Variants in ASPM observed in about 807,000 individuals in gnomAD.
ASPM encodes the protein assembly factor for spindle microtubules, also known as abnormal spindle-like microcephaly-associated protein.
In ASPM, 256 loss-of-function variants were observed where a neutral mutation model predicts 366.4. That is an observed-to-expected ratio of 0.70 (90% CI 0.63 to 0.77). The LOEUF (loss-of-function observed/expected upper bound fraction) is 0.77. Among genes scored for constraint, ASPM ranks in the 30% least tolerant of loss-of-function variants. The pLI is 0.00. For synonymous variants in ASPM, 1,414 were observed against 1,342.9 expected (o/e 1.05, Z -1.16); for missense variants, 4,146 against 4,090.4 (o/e 1.01, Z -0.37).
rs769895394 is a variant in ASPM, at chr1:197,142,424, T to C, written c.1828A>G (p.Lys610Glu). Residue 610 changes from lysine to glutamate, a missense_variant, in exon 3 of 28, where the codon AAA becomes GAA. Coordinates refer to ENST00000367409, the MANE Select transcript of ASPM (RefSeq NM_018136.5). ...KRIHFSPSEPKTSAVKKTKNV... is the reference protein window; with the variant it reads ...KRIHFSPSEPETSAVKKTKNV... ...TTTGTTTTCTTAACAGCTGATGTTT[T>C]AGGCTCTGAGGGAGAAAAATGGATT... 4.5e-5 allele frequency: 72 copies of C among 1,613,864 alleles called. No individual in the cohort carries two copies. The South Asian group carries it at 7.9e-4, about 18-fold the overall frequency.
rs764707526 is a variant in ASPM at position 197,100,806 on chromosome 1, A to C, written c.8445T>G (p.Ser2815Arg). The change falls in exon 18 of 28, where the codon AGT becomes AGG. Residue 2815 changes from serine to arginine, a missense_variant. Ser to Arg is a moderately radical substitution (Grantham distance 110). Transcript: ENST00000367409. ...CSQEAEYHSQ[S>R]RAAVTIQKAF... ...CTTTTTGAATTGTTACTGCAGCCCT[A>C]CTTTGAGAATGATACTCTGCTTCCT... 2 of 1,612,446 alleles carry C rather than the reference A, an allele frequency of 1.2e-6. No individual in the cohort carries two copies. The highest frequency in any genetic ancestry group is 2.7e-5 in the African/African-American group (2 of 74,752).
At chr1:197,088,950 T>C (rs1656686862) in intron 25 of ASPM, among the ~76,000 whole-genome samples, 1 of 152,066 alleles carries the variant, frequency 6.6e-6, no homozygotes, top group East Asian at 1.9e-4. Context: ...TTTCTAATTG[T>C]ATTATTAGAT....
chr1:197,107,861 A>T (rs138231372), intron 17 of ASPM, among the ~76,000 whole-genome samples: 1 of 152,284 alleles, frequency 6.6e-6, no homozygotes, highest in Non-Finnish European at 1.5e-5. Flanking sequence ...CTGTTGCAAC[A>T]AGTCAATTAT....
chr1:197,119,555 C>T (rs1226190055), intron 16 of ASPM, among the ~76,000 whole-genome samples: 1 of 151,984 alleles, frequency 6.6e-6, no homozygotes, highest in Non-Finnish European at 1.5e-5. Flanking sequence ...TTAGAAGAGG[C>T]AAATATATTA....
chr1:197,138,879 C>A, intron 4 of ASPM: 1 of 951,356 alleles, frequency 1.1e-6, no homozygotes, highest in Non-Finnish European at 1.7e-6. Flanking sequence ...TTCGAGCTTC[C>A]TTATCTCCTC....
At chr1:197,128,058 C>T (rs771987079) in intron 10 of ASPM, among the ~76,000 whole-genome samples, 3 of 151,580 alleles carry the variant, frequency 2.0e-5, no homozygotes, top group East Asian at 1.9e-4. Context: ...CCAGCTACTC[C>T]GGAGGCTGAG....
At chr1:197,114,421 C>T (rs1252963428) in intron 17 of ASPM, among the ~76,000 whole-genome samples, 2 of 152,124 alleles carry the variant, frequency 1.3e-5, no homozygotes, top group Non-Finnish European at 2.9e-5. Context: ...CATTGATTGA[C>T]TCCTTATTCA....
At position 197,100,720 on chromosome 1, in the gene ASPM, T is replaced by C; in HGVS notation, c.8531A>G (p.Gln2844Arg). ...ATACACAGCCATCTGAAGGAAGAAC[T>C]GAATCCGTAGGGCAGCACATTTCTG... ...ETQKCAALRIQFFLQMAVYRR... is the reference protein window; with the variant it reads ...ETQKCAALRIRFFLQMAVYRR... Residue 2844 changes from glutamine (Q) to arginine (R), a missense_variant, in exon 18 of 28, where the codon CAG becomes CGG. Gln to Arg is a conservative substitution (Grantham distance 43). Coordinates refer to ENST00000367409, the MANE Select transcript of ASPM (RefSeq NM_018136.5). The C allele has an allele frequency of 6.2e-7, 1 of 1,612,494 alleles. No homozygotes were observed. The highest frequency in any genetic ancestry group is 8.5e-7 in the Non-Finnish European group (1 of 1,179,072).
In ASPM at chr1:197,124,117, T is replaced by C. The variant is rs761410780; in HGVS notation, c.3383A>G (p.Asn1128Ser). Residue 1128 changes from asparagine (N) to serine (S), a missense_variant, in exon 13 of 28, where the codon AAT (asparagine) becomes AGT (serine). Asn to Ser is a conservative substitution (Grantham distance 46). Around this residue, in one of 3 missense-constraint regions of ASPM, gnomAD observed 3,624 missense variants for 3,591.7 expected, o/e 1.01. Coordinates refer to ENST00000367409, the MANE Select transcript of ASPM (RefSeq NM_018136.5). ...DWVNAVCAFY[N>S]KKVENFTVSF... is the part of the protein sequence containing the mutation. ...AAAAACAAAGAAACTTACCTTTTTATTATAGAAGGCACAAACAGCATTTAC... is the reference window on the plus strand; with the variant it reads ...AAAAACAAAGAAACTTACCTTTTTACTATAGAAGGCACAAACAGCATTTAC... The C allele has an allele frequency of 1.9e-6, 3 of 1,607,774 alleles. No individual in the cohort carries two copies. The highest frequency in any genetic ancestry group is 1.1e-5 in the South Asian group (1 of 90,400).
Position 197,100,280 on chromosome 1 carries a change from T to G in ASPM, c.8820+151A>C, listed in dbSNP as rs375331076. 10 of 608,794 alleles carry G rather than the reference T, an allele frequency of 1.6e-5. No homozygotes were observed. In the African/African-American group the frequency reaches 1.9e-4, roughly 11 times the overall value. 37.7% of individuals were successfully genotyped at this position (608,794 alleles called of 1,614,324 possible). On this transcript the variant is annotated intron_variant, in intron 18 of 27. Transcript: ENST00000367409. Reference sequence around the variant, plus strand: ...GGCTGACTTACTAGTGCCCTTTCCCTCTTTCAAAAATGTTCCACTTTGGAA... The same window carrying G: ...GGCTGACTTACTAGTGCCCTTTCCCGCTTTCAAAAATGTTCCACTTTGGAA...
chr1:197,114,524 C>T (rs998113250), intron 17 of ASPM, among the ~76,000 whole-genome samples: 7 of 152,156 alleles, frequency 4.6e-5, no homozygotes, highest in East Asian at 1.9e-4. Flanking sequence ...TCTCAAAGCC[C>T]GCTGCTGCTT....
chr1:197,113,300 G>T (rs558789828), intron 17 of ASPM, among the ~76,000 whole-genome samples: 1 of 151,988 alleles, frequency 6.6e-6, no homozygotes, highest in Non-Finnish European at 1.5e-5. Flanking sequence ...TGTACACTAA[G>T]GCTTAATGAC....
At position 197,104,850 on chromosome 1, in the gene ASPM, A is replaced by G; in HGVS notation, c.4401T>C (p.Ser1467=). The G allele has an allele frequency of 6.3e-7, 1 of 1,599,406 alleles. No homozygotes were observed. The highest frequency in any genetic ancestry group is 8.5e-7 in the Non-Finnish European group (1 of 1,173,692). The change falls in exon 18 of 28, where the codon TCT becomes TCC. Residue 1467 remains serine (S), a synonymous_variant. Transcript: ENST00000367409. The part of the protein sequence containing the change: ...HLRKQAKEEN[S]AIIIQSWYRM... ...TATACCATGATTGTATGATAATAGC[A>G]GAATTTTCTTCTTTAGCTTGTTTTC...
Position 197,102,582 on chromosome 1 carries a change from G to A in ASPM, c.6669C>T (p.Tyr2223=). 6.2e-7 allele frequency: 1 copy of A among 1,612,158 alleles called. No homozygotes were observed. Among genetic ancestry groups the A allele is most frequent in the Non-Finnish European group, 8.5e-7 (1 of 1,179,020 alleles). ...GTATGTTTCTTTCTTTCATTGCCCA[G>A]TATCTTTGCTGTACTGTTTTTGTTA... is the stretch of plus-strand genomic sequence containing the variant. ...KKITKTVQQR[Y]WAMKERNIQF... is the part of the protein sequence containing the mutation. Residue 2223 remains tyrosine (Y), a synonymous_variant, in exon 18 of 28, where the codon TAC becomes TAT. Transcript: ENST00000367409.
chr1:197,086,023 G>A (rs1251559176), intron 27 of ASPM, among the ~76,000 whole-genome samples: 1 of 151,922 alleles, frequency 6.6e-6, no homozygotes, highest in Non-Finnish European at 1.5e-5. Context: ...TGTAGAAATG[G>A]TCCCATTAAT....
At chr1:197,115,076 CT>C (rs1209853264) in intron 17 of ASPM, among the ~76,000 whole-genome samples, 1 of 151,834 alleles carries the variant, frequency 6.6e-6, no homozygotes, top group Non-Finnish European at 1.5e-5. Context: ...TGGGGTCTCA[CT>C]TTGTTGCCCA....
At chr1:197,126,797 C>T (rs959754667) in intron 10 of ASPM, among the ~76,000 whole-genome samples, 2 of 152,056 alleles carry the variant, frequency 1.3e-5, no homozygotes, top group Admixed American at 6.5e-5. Context: ...TTTCAAAAAC[C>T]GGAGATTCAT....
intron 18 of ASPM, among the ~76,000 whole-genome samples, chr1:197,100,153 A>G (rs1390330273): frequency 1.6e-4 from 24 of 151,630 alleles, no homozygotes; most frequent in Non-Finnish European, 1.5e-5. Context: ...CAGGACTCCT[A>G]TTTTCTCAAA....
At chr1:197,085,428 G>A (rs545907811) in intron 27 of ASPM, among the ~76,000 whole-genome samples, 1 of 152,124 alleles carries the variant, frequency 6.6e-6, no homozygotes, top group African/African-American at 2.4e-5. Context: ...CAAACCGAGG[G>A]AGTTCATGCA....
Sources: gnomAD v4.1 joint callset for allele counts (sites outside exome capture counted in the v4.1 genomes callset) on GRCh38, gnomAD v4.1.1 for gene constraint, gnomAD v4.1.1 regional missense constraint, MANE v1.5 for transcripts, NCBI Gene and HGNC (gene_info 2026-07-23, HGNC 2026-07-21) for gene names.